FRMD5: variants seen among roughly 807,000 people sequenced by gnomAD.
FRMD5 encodes FERM domain containing 5, also known as FERM domain-containing protein 5.
FRMD5 carries 20 observed loss-of-function variants against 69.0 expected under a neutral mutation model. The ratio of observed to expected loss-of-function variants is 0.29; its 90% confidence interval spans 0.20 to 0.42. The LOEUF is 0.42. Among genes scored for constraint, FRMD5 ranks in the 10% least tolerant of loss-of-function variants. The probability of loss-of-function intolerance (pLI) is 1.00; values close to 1 mark genes in which losing one functional copy is unlikely to be tolerated. For synonymous variants in FRMD5, 271 were observed against 260.1 expected (o/e 1.04, Z -0.40); for missense variants, 595 against 708.6 (o/e 0.84, Z 1.82).
At chr15:44,067,760 A>G (rs1183371100) in intron 1 of FRMD5, among the ~76,000 whole-genome samples, 1 of 152,210 alleles carries the variant, frequency 6.6e-6, no homozygotes, top group Admixed American at 6.5e-5. Flanking sequence ...ATCAACATTC[A>G]GACCATAGCA....
At chr15:43,935,764 ATCT>A (rs1232938804) in intron 1 of FRMD5, among the ~76,000 whole-genome samples, 1 of 152,214 alleles carries the variant, frequency 6.6e-6, no homozygotes, top group Non-Finnish European at 1.5e-5. Flanking sequence ...CATCCCTGTC[ATCT>A]TCTGTGCCTC....
intron 1 of FRMD5, among the ~76,000 whole-genome samples, chr15:43,996,715 A>ATTTTTTTTTTTTTTTTTTT (rs11397296): frequency 7.0e-5 from 6 of 86,020 alleles, no homozygotes; most frequent in Admixed American, 1.9e-4. Flanking sequence ...TCCTCAGCTG[A>ATTTTTTTTTTTTTTTTTTT]TTTTTTTTTT....
At chr15:43,956,717 T>G (rs544493873) in intron 1 of FRMD5, among the ~76,000 whole-genome samples, 1 of 152,380 alleles carries the variant, frequency 6.6e-6, no homozygotes, top group South Asian at 2.1e-4. Flanking sequence ...TAAATCATTT[T>G]ACTTGTTAAA....
At chr15:43,979,004 C>T (rs1839746817) in intron 1 of FRMD5, among the ~76,000 whole-genome samples, 1 of 152,048 alleles carries the variant, frequency 6.6e-6, no homozygotes, top group Admixed American at 6.6e-5. Flanking sequence ...CTTTTGAGGA[C>T]AACACTATTT....
chr15:44,098,115 C>CAAAAAAAA (rs749591300), intron 1 of FRMD5, among the ~76,000 whole-genome samples: 4 of 15,730 alleles, frequency 2.5e-4, no homozygotes, highest in African/African-American at 5.1e-4. Flanking sequence ...AGTGACAAAA[C>CAAAAAAAA]AAAAAAAAAA....
At chr15:43,914,267 A>G (rs934336469) in intron 4 of FRMD5, among the ~76,000 whole-genome samples, 1 of 152,176 alleles carries the variant, frequency 6.6e-6, no homozygotes, top group Non-Finnish European at 1.5e-5. Context: ...AGTTTTTTCC[A>G]GAAGATCCTT....
chr15:44,040,219 T>C (rs1892126256), intron 1 of FRMD5, among the ~76,000 whole-genome samples: 1 of 151,898 alleles, frequency 6.6e-6, no homozygotes, highest in African/African-American at 2.4e-5. Flanking sequence ...GCAGGGAGAA[T>C]GGAACCAAGT....
At chr15:44,107,652 T>C (rs571746521) in intron 1 of FRMD5, among the ~76,000 whole-genome samples, 251 of 152,204 alleles carry the variant, frequency 1.6e-3, no homozygotes, top group Non-Finnish European at 3.0e-3. Flanking sequence ...ATAAATTTTT[T>C]AACATTCCAT....
chr15:43,883,766 C>T lies in FRMD5; in HGVS notation c.1072G>A (p.Gly358Ser). The part of the protein sequence containing the change: ...PSRSCPSITH[G>S]PRLSSVPRTR... ...CTGGGGACGCTGCTCAGCCTTGGGC[C>T]ATGGGTTATGGAGGGACAGCTCCGG... Residue 358 changes from glycine to serine, a missense_variant, in exon 13 of 14, where the codon GGC becomes AGC. Transcript: ENST00000417257. 2 of 1,614,074 alleles carry T rather than the reference C, an allele frequency of 1.2e-6. No individual in the cohort carries two copies. The highest frequency in any genetic ancestry group is 1.7e-6 in the Non-Finnish European group (2 of 1,179,960).
chr15:44,105,980 T>C (rs544799235), intron 1 of FRMD5, among the ~76,000 whole-genome samples: 1 of 152,340 alleles, frequency 6.6e-6, no homozygotes, highest in Admixed American at 6.5e-5. Flanking sequence ...ATATACTTTA[T>C]CTTTCTGGGT....
intron 1 of FRMD5, among the ~76,000 whole-genome samples, chr15:43,933,060 C>A (rs1453242356): frequency 6.6e-6 from 1 of 152,212 alleles, no homozygotes; most frequent in Non-Finnish European, 1.5e-5. Flanking sequence ...CTTCCCAGCA[C>A]TGAGTAGAAA....
chr15:43,967,925 ACCCCTCGACAGGCCCTGGTGTGTGATGTT>A (rs1385141398), intron 1 of FRMD5, among the ~76,000 whole-genome samples: 1 of 149,764 alleles, frequency 6.7e-6, no homozygotes, highest in African/African-American at 2.5e-5. Flanking sequence ...CTTGCCCCCA[ACCCCTCGACAGGCCCTGGTGTGTGATGTT>A]CCCCTCCCTG....
At chr15:44,176,986 A>G (rs1236871340) in intron 1 of FRMD5, among the ~76,000 whole-genome samples, 1 of 123,112 alleles carries the variant, frequency 8.1e-6, no homozygotes, top group Non-Finnish European at 1.8e-5. Flanking sequence ...AAAAAAAAAA[A>G]GGCAGACAAT....
intron 1 of FRMD5, among the ~76,000 whole-genome samples, chr15:44,136,059 T>C (rs1467363523): frequency 6.6e-6 from 1 of 152,130 alleles, no homozygotes; most frequent in Non-Finnish European, 1.5e-5. Context: ...TCTGGCTCTG[T>C]CACCCAGGCT....
chr15:44,177,268 T>C (rs1030681195), intron 1 of FRMD5, among the ~76,000 whole-genome samples: 6 of 152,188 alleles, frequency 3.9e-5, no homozygotes, highest in African/African-American at 9.7e-5. Flanking sequence ...CACAAAAACC[T>C]GTACATAAAT....
At chr15:43,898,498 C>CT (rs1432224699) in intron 7 of FRMD5, among the ~76,000 whole-genome samples, 2 of 152,198 alleles carry the variant, frequency 1.3e-5, no homozygotes, top group Non-Finnish European at 2.9e-5. Context: ...CTTCAAGACT[C>CT]TTAACAACAA....
At chr15:43,979,713 C>G (rs957081622) in intron 1 of FRMD5, among the ~76,000 whole-genome samples, 5 of 152,144 alleles carry the variant, frequency 3.3e-5, no homozygotes, top group Admixed American at 6.5e-5. Flanking sequence ...TGGAGATACT[C>G]TGAATATTTT....
Position 44,100,047 on chromosome 15 carries a change from CTT to C in FRMD5, c.102+94904_102+94905del, listed in dbSNP as rs375230009. On this transcript the variant is annotated intron_variant, in intron 1 of 13. Transcript: ENST00000417257. ...ACTGTATCTAATAGCTTCTTCTTCTCTTTTTTTTTTTTTTTTTTTTTAAGATG... is the reference window on the plus strand; with the variant it reads ...ACTGTATCTAATAGCTTCTTCTTCTCTTTTTTTTTTTTTTTTTTTAAGATG... 6.6e-3 allele frequency among the ~76,000 whole-genome samples: 854 copies of C among 129,214 alleles called. 12 individuals are homozygous for C. The highest frequency in any genetic ancestry group is 0.024 in the African/African-American group (806 of 33,888). 84.8% of individuals were successfully genotyped at this position (129,214 alleles called of 152,430 possible).
chr15:43,925,737 T>G (rs1393999078), intron 1 of FRMD5, among the ~76,000 whole-genome samples: 1 of 152,230 alleles, frequency 6.6e-6, no homozygotes, highest in African/African-American at 2.4e-5. Context: ...CTTTCCGTTC[T>G]GAACTCCCCA....
Sources: allele counts gnomAD v4.1 joint callset (sites outside exome capture counted in the v4.1 genomes callset), GRCh38; gene constraint gnomAD v4.1.1; transcripts MANE v1.5; gene names NCBI Gene and HGNC (gene_info 2026-07-23, HGNC 2026-07-21).